The following ADAMTS19 variants were observed in gnomAD, a reference collection of about 807,000 sequenced individuals.
ADAMTS19 encodes ADAM metallopeptidase with thrombospondin type 1 motif 19.
A neutral mutation model predicts 153.3 loss-of-function variants in ADAMTS19; 93 were observed. That is an observed-to-expected ratio of 0.61 (90% CI 0.51 to 0.72). The LOEUF is 0.72. ADAMTS19 is among the 30% of genes least tolerant of loss of function. The probability of loss-of-function intolerance (pLI) is 0.00; values close to 1 mark genes in which losing one functional copy is unlikely to be tolerated. For missense variants in ADAMTS19, 1,482 were observed against 1,552.1 expected (o/e 0.95, Z 0.76); for synonymous variants, 600 against 556.6 (o/e 1.08, Z -1.10).
chr5:129,550,746 C>CATTTAGATA (rs1218011650), intron 6 of ADAMTS19, among the ~76,000 whole-genome samples: 1 of 151,164 alleles, frequency 6.6e-6, no homozygotes, highest in Non-Finnish European at 1.5e-5. Context: ...GCTTTCAGAT[C>CATTTAGATA]CTGTAACAGA....
At chr5:129,526,655 A>T in intron 4 of ADAMTS19, 199 bp downstream of exon 4, 1 of 499,216 alleles carries the variant, frequency 2.0e-6, no homozygotes. Context: ...CATCTTGTAA[A>T]CCCTTGTTAA....
chr5:129,522,881 C>T (rs142415667), intron 3 of ADAMTS19, among the ~76,000 whole-genome samples: 1 of 151,946 alleles, frequency 6.6e-6, no homozygotes, highest in Non-Finnish European at 1.5e-5. Flanking sequence ...CATGGCGAAA[C>T]CCTGTCTCTA....
At chr5:129,688,236 T>C (rs1755176238) in intron 18 of ADAMTS19, 1 of 152,120 alleles carries the variant, frequency 6.6e-6, no homozygotes, top group Admixed American at 6.6e-5. Flanking sequence ...GCACAGAATA[T>C]TGGAAACAGA....
At chr5:129,535,533 A>C (rs1483668390) in intron 6 of ADAMTS19, among the ~76,000 whole-genome samples, 1 of 152,156 alleles carries the variant, frequency 6.6e-6, no homozygotes, top group African/African-American at 2.4e-5. Flanking sequence ...GCTACCAATG[A>C]CTTTCTTCAC....
rs1264344428 is a variant in ADAMTS19, at chr5:129,648,576, C to A, written c.2004-222C>A. On this transcript the variant is annotated intron_variant, in intron 12 of 22. Coordinates refer to ENST00000274487, the MANE Select transcript of ADAMTS19 (RefSeq NM_133638.6). ...TTTTCATGGCAAGTGGGATTTTATTCCTCATATATTTTGGAAGGTATATTG... is the reference window on the plus strand; with the variant it reads ...TTTTCATGGCAAGTGGGATTTTATTACTCATATATTTTGGAAGGTATATTG... 3.3e-5 allele frequency among the ~76,000 whole-genome samples: 5 copies of A among 151,908 alleles called. No individual in the cohort carries two copies. The East Asian group carries it at 9.6e-4, about 29-fold the overall frequency.
At chr5:129,549,282 A>T (rs1280267386) in intron 6 of ADAMTS19, among the ~76,000 whole-genome samples, 1 of 151,446 alleles carries the variant, frequency 6.6e-6, no homozygotes, top group Admixed American at 6.6e-5. Context: ...ATAGAAAAGG[A>T]TTAAATGCAT....
At chr5:129,572,013 T>C (rs1323823888) in intron 7 of ADAMTS19, among the ~76,000 whole-genome samples, 1 of 151,850 alleles carries the variant, frequency 6.6e-6, no homozygotes, top group Non-Finnish European at 1.5e-5. Flanking sequence ...AATCCAAATG[T>C]AAAATGCAAA....
chr5:129,565,730 G>C (rs569533648), intron 7 of ADAMTS19, among the ~76,000 whole-genome samples: 2 of 151,984 alleles, frequency 1.3e-5, no homozygotes, highest in South Asian at 2.1e-4. Context: ...TTCTATCATA[G>C]CTTACGAGAA....
At chr5:129,501,210 G>T (rs1751094011) in intron 2 of ADAMTS19, among the ~76,000 whole-genome samples, 1 of 152,078 alleles carries the variant, frequency 6.6e-6, no homozygotes, top group Admixed American at 6.6e-5. Flanking sequence ...AGAATTAAAA[G>T]AAAGGAAAAG....
chr5:129,581,901 A>G (rs1749534594), intron 7 of ADAMTS19, among the ~76,000 whole-genome samples: 1 of 152,046 alleles, frequency 6.6e-6, no homozygotes, highest in Non-Finnish European at 1.5e-5. Context: ...GTTTCCATGT[A>G]GTTGTGCGGT....
rs538784523 is a variant in ADAMTS19, at chr5:129,599,672, T to C, written c.1478+3008T>C. On this transcript the variant is annotated intron_variant, in intron 8 of 22. Coordinates refer to ENST00000274487, the MANE Select transcript of ADAMTS19 (RefSeq NM_133638.6). ...ACCATGGAGCTACAACTATTTAAAC[T>C]AAAAACTAAATGAGGTAATTTAGGG... is the stretch of plus-strand genomic sequence containing the variant. Among the ~76,000 whole-genome samples the C allele has an allele frequency of 7.9e-5, 12 of 152,284 alleles. 1 individual carries two copies. The East Asian group carries it at 2.1e-3, about 27-fold the overall frequency.
intron 8 of ADAMTS19, among the ~76,000 whole-genome samples, chr5:129,611,984 A>T (rs868244471): frequency 6.6e-6 from 1 of 151,834 alleles, no homozygotes; most frequent in African/African-American, 2.4e-5. Flanking sequence ...TTATTTTATT[A>T]TTATTATATT....
chr5:129,713,709 C>T (rs1561665138), intron 21 of ADAMTS19, among the ~76,000 whole-genome samples: 1 of 151,242 alleles, frequency 6.6e-6, no homozygotes, highest in Non-Finnish European at 1.5e-5. Context: ...TGCATTGAGC[C>T]GAGATCGTGC....
In ADAMTS19 at chr5:129,491,213, A is replaced by G. The variant is rs534341150; in HGVS notation, c.748-17864A>G. Among the ~76,000 whole-genome samples, 8 of 152,218 alleles carry G rather than the reference A, an allele frequency of 5.3e-5. No individual in the cohort carries two copies. The Middle Eastern group carries it at 0.024, about 453-fold the overall frequency. On this transcript the variant is annotated intron_variant, in intron 2 of 22. Transcript: ENST00000274487. ...GAGACAGGGTTTCACCATGTCAGCC[A>G]GGATGGTCTCGATCTCCTGACCTTG...
chr5:129,624,074 C>G (rs557706602), intron 10 of ADAMTS19, among the ~76,000 whole-genome samples: 1 of 139,814 alleles, frequency 7.2e-6, no homozygotes, highest in African/African-American at 2.7e-5. Flanking sequence ...TTGCAGTGAG[C>G]CGAGAACGCG....
chr5:129,529,499 C>T lies in ADAMTS19; in HGVS notation c.1328+822C>T, dbSNP rs1752125804. ...TTCGGCTAAGTAGGTAAAACTGTTA[C>T]TGAGTTTCTGCAACAAGCAATCATA... On this transcript the variant is annotated intron_variant, in intron 6 of 22. Transcript: ENST00000274487. Among the ~76,000 whole-genome samples, 3 of 152,136 alleles carry T rather than the reference C, an allele frequency of 2.0e-5. No homozygotes were observed. In the South Asian group the frequency reaches 6.2e-4, roughly 31 times the overall value.
At chr5:129,685,163 T>G (rs1337818556) in intron 18 of ADAMTS19, among the ~76,000 whole-genome samples, 1 of 152,022 alleles carries the variant, frequency 6.6e-6, no homozygotes, top group Non-Finnish European at 1.5e-5. Context: ...ATGGATATTT[T>G]TAAATGCCAA....
chr5:129,510,665 G>C (rs148173119), intron 3 of ADAMTS19, among the ~76,000 whole-genome samples: 146 of 151,920 alleles, frequency 9.6e-4, no homozygotes, highest in African/African-American at 3.4e-3. Flanking sequence ...CTGAAAATCT[G>C]CACTGTGTAA....
intron 2 of ADAMTS19, among the ~76,000 whole-genome samples, chr5:129,480,230 G>GAC (rs1750362997): frequency 6.6e-6 from 1 of 152,102 alleles, no homozygotes; most frequent in South Asian, 2.1e-4. Context: ...GGAAGAATTT[G>GAC]ACATCAATAT....
Sources: gnomAD v4.1 joint callset for allele counts (sites outside exome capture counted in the v4.1 genomes callset) on GRCh38, gnomAD v4.1.1 for gene constraint, MANE v1.5 for transcripts, NCBI Gene and HGNC (gene_info 2026-07-23, HGNC 2026-07-21) for gene names.